Variants in HCN1 observed in about 807,000 individuals in gnomAD.
The protein encoded by HCN1 is potassium/sodium hyperpolarization-activated cyclic nucleotide-gated channel 1.
HCN1 carries 13 observed loss-of-function variants against 78.9 expected under a neutral mutation model. The observed-to-expected ratio is 0.16, with a 90% CI of 0.11 to 0.26. The LOEUF (loss-of-function observed/expected upper bound fraction) is 0.26, where lower values mean the gene tolerates loss of function less well. Ranked by LOEUF, HCN1 falls within the 10% of genes least tolerant of loss-of-function variation. The pLI is 1.00. For synonymous variants in HCN1, 552 were observed against 455.5 expected (o/e 1.21, Z -2.70); for missense variants, 810 against 1,154.3 (o/e 0.70, Z 4.32).
intron 2 of HCN1, among the ~76,000 whole-genome samples, chr5:45,542,496 A>G (rs1443424483): frequency 6.6e-6 from 1 of 152,110 alleles, no homozygotes; most frequent in Non-Finnish European, 1.5e-5. Context: ...GAAAAGTTAA[A>G]AAAAAAAAGA....
intron 4 of HCN1, among the ~76,000 whole-genome samples, chr5:45,387,103 A>G (rs567989626): frequency 1.3e-5 from 2 of 152,040 alleles, no homozygotes; most frequent in Admixed American, 6.6e-5. Context: ...TGGTATAGTC[A>G]GAAAAAAAGT....
intron 2 of HCN1, among the ~76,000 whole-genome samples, chr5:45,622,122 T>C (rs1036881987): frequency 1.3e-5 from 2 of 151,834 alleles, no homozygotes; most frequent in Admixed American, 6.6e-5. Context: ...CGCAGGAGGC[T>C]GAGGCAGGAG....
At chr5:45,636,489 G>A (rs1230558715) in intron 2 of HCN1, among the ~76,000 whole-genome samples, 3 of 152,120 alleles carry the variant, frequency 2.0e-5, no homozygotes. Flanking sequence ...AATGTGCTTT[G>A]TCCTAAATTA....
rs1198177683 is a variant in HCN1, at chr5:45,261,449, C to A, written c.*472G>T. On this transcript the variant is annotated 3_prime_UTR_variant, in exon 8 of 8. Coordinates refer to ENST00000303230, the MANE Select transcript of HCN1 (RefSeq NM_021072.4). ...ATAAAATGGGATTTGTTATTTAATT[C>A]TCCACCATTAATGATTAACAATTTA... 1 of 153,836 alleles carries A rather than the reference C, an allele frequency of 6.5e-6. No individual in the cohort carries two copies. The highest frequency in any genetic ancestry group is 6.4e-5 in the Admixed American group (1 of 15,516). 9.5% of individuals were successfully genotyped at this position (153,836 alleles called of 1,614,324 possible).
chr5:45,350,798 C>A (rs1257491190), intron 5 of HCN1, among the ~76,000 whole-genome samples: 1 of 151,940 alleles, frequency 6.6e-6, no homozygotes, highest in Non-Finnish European at 1.5e-5. Context: ...GAATAAAATA[C>A]CTGGGAATCC....
intron 2 of HCN1, among the ~76,000 whole-genome samples, chr5:45,630,311 A>C (rs1191405296): frequency 6.6e-6 from 1 of 152,188 alleles, no homozygotes; most frequent in Non-Finnish European, 1.5e-5. Context: ...ATATCCTGGC[A>C]CTATAATTTA....
At chr5:45,666,494 A>T (rs1264335225) in intron 1 of HCN1, among the ~76,000 whole-genome samples, 1 of 152,062 alleles carries the variant, frequency 6.6e-6, no homozygotes, top group African/African-American at 2.4e-5. Context: ...TAATAAACCC[A>T]AATGAGCATT....
chr5:45,295,693 G>C (rs1240213554), intron 6 of HCN1, among the ~76,000 whole-genome samples: 2 of 151,978 alleles, frequency 1.3e-5, no homozygotes, highest in African/African-American at 4.8e-5. Context: ...GGGGTTTAAT[G>C]TTTGGTGAAC....
intron 4 of HCN1, among the ~76,000 whole-genome samples, chr5:45,378,642 C>CT (rs1276832643): frequency 6.6e-6 from 1 of 152,036 alleles, no homozygotes; most frequent in Non-Finnish European, 1.5e-5. Context: ...AAAAATTATA[C>CT]TTTAAGTTCT....
chr5:45,303,364 T>C lies in HCN1; in HGVS notation c.1618+235A>G, dbSNP rs527694033. On this transcript the variant is annotated intron_variant, in intron 6 of 7. Transcript: ENST00000303230. ...TTCCATTTGACTTAAGCCCCTATTA[T>C]TTGGTTCCAGATAAAGAGGTTGAAA... 2.0e-5 allele frequency among the ~76,000 whole-genome samples: 3 copies of C among 152,252 alleles called. No homozygotes were observed. In the South Asian group the frequency reaches 6.2e-4, roughly 32 times the overall value.
At position 45,256,038 on chromosome 5, in the gene HCN1, T is replaced by G. The variant is rs1024239321; in HGVS notation, c.*5883A>C. On this transcript the variant is annotated 3_prime_UTR_variant, in exon 8 of 8. Coordinates refer to ENST00000303230, the MANE Select transcript of HCN1 (RefSeq NM_021072.4). ...TCTTCAATTGAATGAATCAATAGTA[T>G]TCTCTGCTCATATGGTATTACTGAA... is the stretch of plus-strand genomic sequence containing the variant. 1 of 152,190 alleles carries G rather than the reference T, an allele frequency of 6.6e-6. No individual in the cohort carries two copies. Among genetic ancestry groups the G allele is most frequent in the Non-Finnish European group, 1.5e-5 (1 of 68,044 alleles). The allele number at this position is 152,190 out of a possible 1,614,324, so 9.4% of individuals were successfully genotyped here.
intron 1 of HCN1, among the ~76,000 whole-genome samples, chr5:45,673,154 T>C (rs931205456): frequency 6.6e-6 from 1 of 151,464 alleles, no homozygotes; most frequent in Non-Finnish European, 1.5e-5. Context: ...ATATACTTTG[T>C]AAAATGACCT....
chr5:45,283,079 G>A (rs1745200021), intron 6 of HCN1, among the ~76,000 whole-genome samples: 1 of 152,134 alleles, frequency 6.6e-6, no homozygotes, highest in Non-Finnish European at 1.5e-5. Flanking sequence ...ACTTTATGAT[G>A]AACATTGCCA....
intron 6 of HCN1, among the ~76,000 whole-genome samples, chr5:45,277,828 A>G (rs1215013136): frequency 6.6e-6 from 1 of 152,160 alleles, no homozygotes; most frequent in African/African-American, 2.4e-5. Flanking sequence ...GACTAATAGA[A>G]TTAATCATAC....
chr5:45,499,867 A>T (rs532514874), intron 2 of HCN1, among the ~76,000 whole-genome samples: 1 of 152,152 alleles, frequency 6.6e-6, no homozygotes, highest in Non-Finnish European at 1.5e-5. Flanking sequence ...TTTAGCATCT[A>T]TCTCTTCCCA....
At chr5:45,541,581 A>T (rs970559267) in intron 2 of HCN1, among the ~76,000 whole-genome samples, 1 of 150,588 alleles carries the variant, frequency 6.6e-6, no homozygotes, top group Non-Finnish European at 1.5e-5. Flanking sequence ...CATTCCCAGT[A>T]GGAAGAGAAT....
chr5:45,361,112 T>G (rs62367552), intron 4 of HCN1, among the ~76,000 whole-genome samples: 10,212 of 152,268 alleles, frequency 0.067, 464 homozygotes, highest in Non-Finnish European at 0.1. Context: ...TGGCATGATC[T>G]CAGCTCACTG....
chr5:45,339,716 A>G (rs527884129), intron 5 of HCN1, among the ~76,000 whole-genome samples: 2 of 152,288 alleles, frequency 1.3e-5, no homozygotes, highest in Middle Eastern at 3.4e-3. Flanking sequence ...ATGTTGAGGT[A>G]ATGTTGAGAA....
At chr5:45,582,024 G>A (rs559453143) in intron 2 of HCN1, among the ~76,000 whole-genome samples, 3 of 152,206 alleles carry the variant, frequency 2.0e-5, no homozygotes, top group African/African-American at 7.2e-5. Flanking sequence ...GGTTCCATAT[G>A]AACTTTAAAG....
Sources: gnomAD v4.1 joint callset for allele counts (sites outside exome capture counted in the v4.1 genomes callset) on GRCh38, gnomAD v4.1.1 for gene constraint, MANE v1.5 for transcripts, NCBI Gene and HGNC (gene_info 2026-07-23, HGNC 2026-07-21) for gene names.